ZBTB20: variants seen among roughly 807,000 people sequenced by gnomAD.
ZBTB20 encodes zinc finger and BTB domain-containing protein 20.
ZBTB20 carries 9 observed loss-of-function variants against 56.9 expected under a neutral mutation model. The observed-to-expected ratio is 0.16, with a 90% CI of 0.10 to 0.28. ZBTB20 has a LOEUF of 0.28. Ranked by LOEUF, ZBTB20 falls within the 10% of genes least tolerant of loss-of-function variation. The pLI is 1.00. For missense variants in ZBTB20, 655 were observed against 1,003.0 expected, an observed-to-expected ratio of 0.65 and a Z score of 4.69; for synonymous variants, 417 against 420.7, an observed-to-expected ratio of 0.99 and a Z score of 0.11.
intron 1 of ZBTB20, among the ~76,000 whole-genome samples, chr3:115,095,071 CAA>C (rs1196837691): frequency 6.6e-6 from 1 of 151,982 alleles, no homozygotes; most frequent in Admixed American, 6.6e-5. Context: ...CATCATATCT[CAA>C]GACACAGAAG....
At chr3:114,790,411 A>G (rs932326159) in intron 5 of ZBTB20, among the ~76,000 whole-genome samples, 1 of 152,144 alleles carries the variant, frequency 6.6e-6, no homozygotes, top group South Asian at 2.1e-4. Context: ...ATATAAACAT[A>G]CGCAACATAT....
intron 7 of ZBTB20, among the ~76,000 whole-genome samples, chr3:114,440,045 C>T (rs2090806984): frequency 6.6e-6 from 1 of 151,820 alleles, no homozygotes; most frequent in African/African-American, 2.4e-5. Flanking sequence ...TAGGCTCAGC[C>T]ATCATTTTCA....
chr3:115,072,367 A>G (rs1212688166), intron 1 of ZBTB20, among the ~76,000 whole-genome samples: 1 of 152,168 alleles, frequency 6.6e-6, no homozygotes, highest in Admixed American at 6.5e-5. Flanking sequence ...AAGATCACAG[A>G]CTTTGAGGTC....
At chr3:114,468,212 T>C (rs2109222659) in intron 7 of ZBTB20, among the ~76,000 whole-genome samples, 1 of 152,330 alleles carries the variant, frequency 6.6e-6, no homozygotes, top group South Asian at 2.1e-4. Context: ...TTCTCAAGTA[T>C]TTAAAACAAC....
intron 4 of ZBTB20, among the ~76,000 whole-genome samples, chr3:114,817,758 C>T (rs1409752005): frequency 6.6e-6 from 1 of 151,904 alleles, no homozygotes; most frequent in African/African-American, 2.4e-5. Context: ...AAAATTGGTT[C>T]TCAATAAATA....
chr3:114,573,796 A>G (rs1421940358), intron 6 of ZBTB20, among the ~76,000 whole-genome samples: 1 of 152,098 alleles, frequency 6.6e-6, no homozygotes, highest in African/African-American at 2.4e-5. Flanking sequence ...TTCTAAGTTG[A>G]ATTATTACCA....
At chr3:114,633,048 T>C (rs1183910628) in intron 6 of ZBTB20, among the ~76,000 whole-genome samples, 1 of 152,178 alleles carries the variant, frequency 6.6e-6, no homozygotes, top group Non-Finnish European at 1.5e-5. Context: ...AAGAATTAGG[T>C]TATGAAGGAA....
rs377216471 is a variant in ZBTB20, at chr3:114,350,640, T to C, written c.1438A>G (p.Thr480Ala). Residue 480 changes from threonine to alanine, a missense_variant, in exon 11 of 12, where the codon ACA (threonine) becomes GCA (alanine). By Grantham distance (58) the Thr-to-Ala change is moderately conservative. This residue lies in a region of ZBTB20 where 156 missense variants were observed against 181.0 expected (regional missense o/e 0.86). Coordinates refer to ENST00000675478, the MANE Select transcript of ZBTB20 (RefSeq NM_001348800.3). ...CTCAGGTTGCTGGTGAGGGTTTCTGTCTGGCGTAAGTAGAGCTGGGTACTT... is the reference window on the plus strand; with the variant it reads ...CTCAGGTTGCTGGTGAGGGTTTCTGCCTGGCGTAAGTAGAGCTGGGTACTT... Reference protein sequence around the residue: ...LPSTQLYLRQTETLTSNLRMP... With the variant: ...LPSTQLYLRQAETLTSNLRMP... 9.3e-6 allele frequency: 15 copies of C among 1,614,082 alleles called. No individual in the cohort carries two copies. The highest frequency in any genetic ancestry group is 1.3e-5 in the Non-Finnish European group (15 of 1,180,048).
chr3:114,394,864 A>T (rs1173548869), intron 7 of ZBTB20, among the ~76,000 whole-genome samples: 1 of 152,200 alleles, frequency 6.6e-6, no homozygotes, highest in Non-Finnish European at 1.5e-5. Context: ...AGCATAGAGC[A>T]CACTGTCAAA....
rs867800464 is a variant in ZBTB20, at chr3:115,016,213, T to G, written c.-506-41797A>C. 2.3e-4 allele frequency among the ~76,000 whole-genome samples: 35 copies of G among 152,150 alleles called. No individual in the cohort carries two copies. The Middle Eastern group carries it at 0.014, about 59-fold the overall frequency. On this transcript the variant is annotated intron_variant, in intron 2 of 11. Coordinates refer to ENST00000675478, the MANE Select transcript of ZBTB20 (RefSeq NM_001348800.3). ...TAAGTTCCTTGTAGACTCTGGATAT[T>G]AGACCTTTGTCAGATGGGTAGAATG... is the stretch of plus-strand genomic sequence containing the variant.
chr3:114,420,928 A>G (rs1488280642), intron 7 of ZBTB20, among the ~76,000 whole-genome samples: 1 of 152,172 alleles, frequency 6.6e-6, no homozygotes, highest in Non-Finnish European at 1.5e-5. Flanking sequence ...AGACAAATCT[A>G]GAGAACCAGT....
rs1647034860 is a variant in ZBTB20, at chr3:114,329,704, T to A, written c.*9301A>T. The A allele has an allele frequency of 7.8e-6, 1 of 128,848 alleles. No individual in the cohort carries two copies. Among genetic ancestry groups the A allele is most frequent in the Non-Finnish European group, 1.6e-5 (1 of 61,946 alleles). 8.0% of individuals were successfully genotyped at this position (128,848 alleles called of 1,614,324 possible). On this transcript the variant is annotated 3_prime_UTR_variant, in exon 12 of 12. Coordinates refer to ENST00000675478, the MANE Select transcript of ZBTB20 (RefSeq NM_001348800.3). Reference sequence around the variant, plus strand: ...GTTCCTGAAACTCTGGTTTTACTTTTTTTGGAAAAAAAAAAAAAAAAAAAA... The same window carrying A: ...GTTCCTGAAACTCTGGTTTTACTTTATTTGGAAAAAAAAAAAAAAAAAAAA...
rs114896863 is a variant in ZBTB20 at position 114,405,509 on chromosome 3, T to C, written c.-254-16404A>G. 9.6e-3 allele frequency among the ~76,000 whole-genome samples: 1,454 copies of C among 152,154 alleles called. 19 individuals are homozygous for C. The highest frequency in any genetic ancestry group is 0.033 in the African/African-American group (1,385 of 41,506). On this transcript the variant is annotated intron_variant, in intron 7 of 11. Coordinates refer to ENST00000675478, the MANE Select transcript of ZBTB20 (RefSeq NM_001348800.3). ...GATGGGCCATGATATATCTTGAGAG[T>C]AAAAGATGGAATGAAACTCAGAAAT... is the stretch of plus-strand genomic sequence containing the variant.
chr3:114,492,436 A>G (rs2042851917), intron 7 of ZBTB20, among the ~76,000 whole-genome samples: 1 of 152,200 alleles, frequency 6.6e-6, no homozygotes, highest in African/African-American at 2.4e-5. Flanking sequence ...TCCTTCATAT[A>G]GTTTGATAAG....
At chr3:115,078,613 G>GTGTACATA (rs769630983) in intron 1 of ZBTB20, among the ~76,000 whole-genome samples, 2 of 137,828 alleles carry the variant, frequency 1.5e-5, no homozygotes, top group Non-Finnish European at 3.1e-5. Flanking sequence ...GTGTGTGTGT[G>GTGTACATA]TATATATATA....
At chr3:114,745,788 CATA>C (rs1282977757) in intron 5 of ZBTB20, among the ~76,000 whole-genome samples, 2 of 152,056 alleles carry the variant, frequency 1.3e-5, no homozygotes, top group African/African-American at 2.4e-5. Flanking sequence ...AAGGGCTAAT[CATA>C]ATAATAATAG....
intron 6 of ZBTB20, among the ~76,000 whole-genome samples, chr3:114,541,899 G>A (rs936158512): frequency 6.6e-6 from 1 of 152,108 alleles, no homozygotes; most frequent in Admixed American, 6.6e-5. Context: ...TTATTAGGAA[G>A]AACGAGTGAA....
chr3:114,592,824 T>A (rs1351078689), intron 6 of ZBTB20, among the ~76,000 whole-genome samples: 1 of 152,174 alleles, frequency 6.6e-6, no homozygotes, highest in African/African-American at 2.4e-5. Context: ...TTTTATTCTA[T>A]AAAAATCTAT....
chr3:114,375,683 C>T (rs2083535544), intron 10 of ZBTB20: 1 of 152,158 alleles, frequency 6.6e-6, no homozygotes, highest in Admixed American at 6.5e-5. Context: ...ATTTCTGGCT[C>T]GTTATCAGGG....
Sources: gnomAD v4.1 joint callset for allele counts (sites outside exome capture counted in the v4.1 genomes callset) on GRCh38, gnomAD v4.1.1 for gene constraint, gnomAD v4.1.1 regional missense constraint, MANE v1.5 for transcripts, NCBI Gene and HGNC (gene_info 2026-07-23, HGNC 2026-07-21) for gene names.